Variants in SEMA5A observed in about 807,000 individuals in gnomAD.
The protein encoded by SEMA5A is semaphorin 5A.
Under a neutral mutation model 135.5 loss-of-function variants are expected in SEMA5A, and 55 were observed. The observed-to-expected ratio is 0.41, with a 90% CI of 0.33 to 0.51. SEMA5A has a LOEUF of 0.51. Among genes scored for constraint, SEMA5A ranks in the 20% least tolerant of loss-of-function variants. SEMA5A has a pLI of 0.37. For missense variants in SEMA5A, 1,290 were observed against 1,419.9 expected (o/e 0.91, Z 1.47); for synonymous variants, 580 against 546.5 (o/e 1.06, Z -0.85).
chr5:9,413,904 A>G (rs1269790701), intron 2 of SEMA5A, among the ~76,000 whole-genome samples: 2 of 152,208 alleles, frequency 1.3e-5, no homozygotes, highest in Non-Finnish European at 2.9e-5. Flanking sequence ...CCTTTCAATG[A>G]ATTTCACTGA....
chr5:9,263,241 G>T lies in SEMA5A; in HGVS notation c.271-25351C>A, dbSNP rs572218765. On this transcript the variant is annotated intron_variant, in intron 5 of 22. Coordinates refer to ENST00000382496, the MANE Select transcript of SEMA5A (RefSeq NM_003966.3). ...TCCGTCCTCCAGGTCATCTAAGTCA[G>T]GGGTCCCCAACACCCAAGCCACGGA... Among the ~76,000 whole-genome samples the T allele has an allele frequency of 1.9e-4, 29 of 152,208 alleles. No individual in the cohort carries two copies. The South Asian group carries it at 2.1e-3, about 11-fold the overall frequency.
At chr5:9,146,196 T>C (rs1298373534) in intron 12 of SEMA5A, among the ~76,000 whole-genome samples, 7 of 152,128 alleles carry the variant, frequency 4.6e-5, no homozygotes, top group African/African-American at 1.7e-4. Flanking sequence ...CAAGCCTACC[T>C]TGGAACCCCT....
intron 1 of SEMA5A, among the ~76,000 whole-genome samples, chr5:9,471,814 T>C (rs956328766): frequency 1.3e-5 from 2 of 152,252 alleles, no homozygotes; most frequent in Non-Finnish European, 2.9e-5. Flanking sequence ...GCAAACTCAT[T>C]GTTCAAATTT....
rs1023292750 is a variant in SEMA5A, at chr5:9,545,512, C to CGGCGA, written c.-175+71_-175+72insTCGCC. On this transcript the variant is annotated intron_variant, in intron 1 of 22. Transcript: ENST00000382496. The surrounding 1 kb of genome is among the most constrained non-coding windows in gnomAD (Gnocchi z 4.5). ...GCTGCAGTCCCCGGGTCCCGGCCAG[C>CGGCGA]GGCGCGGCGCGGCGCGGCGCGGTCA... 1.4e-5 allele frequency: 2 copies of CGGCGA among 147,520 alleles called. No individual in the cohort carries two copies. The highest frequency in any genetic ancestry group is 4.9e-5 in the African/African-American group (2 of 40,952). The allele number at this position is 147,520 out of a possible 1,614,324, so 9.1% of individuals were successfully genotyped here.
chr5:9,486,949 A>G (rs1344119655), intron 1 of SEMA5A, among the ~76,000 whole-genome samples: 2 of 152,144 alleles, frequency 1.3e-5, no homozygotes, highest in Non-Finnish European at 2.9e-5. Flanking sequence ...CTACTCCACA[A>G]ACTTGTGTTC....
At chr5:9,492,728 C>A (rs760743447) in intron 1 of SEMA5A, among the ~76,000 whole-genome samples, 14 of 152,112 alleles carry the variant, frequency 9.2e-5, no homozygotes, top group Non-Finnish European at 1.8e-4. Flanking sequence ...AATAGAGGAA[C>A]CTTTAATGCA....
intron 6 of SEMA5A, among the ~76,000 whole-genome samples, chr5:9,233,867 G>A (rs1747764630): frequency 6.6e-6 from 1 of 151,838 alleles, no homozygotes; most frequent in African/African-American, 2.4e-5. Context: ...GCTCAGCTCA[G>A]CAGCTAAATG....
At chr5:9,253,322 A>C (rs560025999) in intron 5 of SEMA5A, among the ~76,000 whole-genome samples, 2 of 152,238 alleles carry the variant, frequency 1.3e-5, no homozygotes, top group Non-Finnish European at 2.9e-5. Context: ...ATAAGCTTTT[A>C]CTCAAGGACA....
intron 16 of SEMA5A, among the ~76,000 whole-genome samples, chr5:9,081,759 T>A (rs770399496): frequency 2.1e-4 from 32 of 152,210 alleles, no homozygotes; most frequent in Non-Finnish European, 4.0e-4. Context: ...GAACTATGCA[T>A]GTGTTGACAA....
At chr5:9,081,651 T>C (rs527460513) in intron 16 of SEMA5A, among the ~76,000 whole-genome samples, 1 of 152,316 alleles carries the variant, frequency 6.6e-6, no homozygotes, top group African/African-American at 2.4e-5. Flanking sequence ...GCAAGTTATC[T>C]AGGAAGGTGA....
chr5:9,339,597 AAGAAAGGAAATAAGAAAAAG>A (rs1323077384), intron 3 of SEMA5A, among the ~76,000 whole-genome samples: 1 of 152,226 alleles, frequency 6.6e-6, no homozygotes, highest in Non-Finnish European at 1.5e-5. Flanking sequence ...AATAATCAAA[AAGAAAGGAAATAAGAAAAAG>A]AGAAAGGAGA....
chr5:9,333,236 T>A (rs1753236811), intron 4 of SEMA5A, among the ~76,000 whole-genome samples: 1 of 152,234 alleles, frequency 6.6e-6, no homozygotes, highest in Non-Finnish European at 1.5e-5. Context: ...ACTCCACATC[T>A]TCCCCACAGT....
chr5:9,265,721 T>TTTAGG (rs1749651271), intron 5 of SEMA5A, among the ~76,000 whole-genome samples: 2 of 152,166 alleles, frequency 1.3e-5, no homozygotes, highest in African/African-American at 4.8e-5. Flanking sequence ...AAGTGAGCTG[T>TTTAGG]CCACTTAGCG....
At chr5:9,202,372 G>T in intron 8 of SEMA5A, 132 bp from the exon 9 acceptor site, 2 of 709,456 alleles carry the variant, frequency 2.8e-6, no homozygotes, top group Non-Finnish European at 4.3e-6. Context: ...GGACTATTGG[G>T]AGGCCCCGTG....
At chr5:9,318,141 T>A (rs1223693588) in intron 5 of SEMA5A, among the ~76,000 whole-genome samples, 4 of 152,052 alleles carry the variant, frequency 2.6e-5, no homozygotes, top group African/African-American at 4.8e-5. Context: ...CAGGATCACA[T>A]CCACGGAACA....
Position 9,154,698 on chromosome 5 carries a change from A to G in SEMA5A, c.1274-3T>C. 6.2e-7 allele frequency: 1 copy of G among 1,613,488 alleles called. No homozygotes were observed. Among genetic ancestry groups the G allele is most frequent in the Non-Finnish European group, 8.5e-7 (1 of 1,179,644 alleles). On this transcript the variant is annotated splice_region_variant and splice_polypyrimidine_tract_variant and intron_variant, in intron 11 of 22. Transcript: ENST00000382496. ...CACTTTCTTAATGGTTCCGTAATCT[A>G]TGAAGGTCACAGGATGAAAAGGAAA... is the stretch of plus-strand genomic sequence containing the variant.
At chr5:9,539,055 T>C (rs1737932688) in intron 1 of SEMA5A, among the ~76,000 whole-genome samples, 1 of 152,214 alleles carries the variant, frequency 6.6e-6, no homozygotes. Flanking sequence ...ATCTCCACAA[T>C]TCAGTTTCTT....
At chr5:9,161,249 G>A (rs764920838) in intron 11 of SEMA5A, among the ~76,000 whole-genome samples, 8 of 152,030 alleles carry the variant, frequency 5.3e-5, no homozygotes, top group Non-Finnish European at 1.0e-4. Flanking sequence ...TGACCTGAAC[G>A]CGGGAACTGG....
At chr5:9,438,013 C>T (rs537170210) in intron 1 of SEMA5A, among the ~76,000 whole-genome samples, 161 bp from the exon 2 acceptor site, 52 of 152,214 alleles carry the variant, frequency 3.4e-4, no homozygotes, top group Non-Finnish European at 6.3e-4. Flanking sequence ...CTTGGCATCA[C>T]AATCATGCTA....
Sources: gnomAD v4.1 joint callset for allele counts (sites outside exome capture counted in the v4.1 genomes callset) on GRCh38, gnomAD v4.1.1 for gene constraint, Gnocchi (gnomAD v3.1) non-coding constraint, MANE v1.5 for transcripts, NCBI Gene and HGNC (gene_info 2026-07-23, HGNC 2026-07-21) for gene names.